BEND5: variants seen among roughly 807,000 people sequenced by gnomAD.
BEND5 encodes BEN domain-containing protein 5.
BEND5 carries 22 observed loss-of-function variants against 43.9 expected under a neutral mutation model. That is an observed-to-expected ratio of 0.50 (90% CI 0.36 to 0.72). The LOEUF is 0.72. Among genes scored for constraint, BEND5 ranks in the 30% least tolerant of loss-of-function variants. The pLI is 0.00. For synonymous variants in BEND5, 228 were observed against 225.9 expected, an observed-to-expected ratio of 1.01 and a Z score of -0.08; for missense variants, 428 against 550.6, an observed-to-expected ratio of 0.78 and a Z score of 2.23.
Position 48,728,049 on chromosome 1 carries a change from C to T in BEND5, c.1109-6G>A, listed in dbSNP as rs375137110. On this transcript the variant is annotated splice_region_variant and splice_polypyrimidine_tract_variant and intron_variant, in intron 5 of 5. Coordinates refer to ENST00000371833, the MANE Select transcript of BEND5 (RefSeq NM_024603.4). ...TATTCTGTCATACAAACACTCTAGA[C>T]GGGGAGAAGAAACAAGGCCAAGGAT... The T allele has an allele frequency of 4.1e-5, 64 of 1,577,944 alleles. No homozygotes were observed. Among genetic ancestry groups the T allele is most frequent in the African/African-American group, 1.2e-4 (9 of 73,824 alleles).
chr1:48,731,152 G>C (rs1648065545), intron 5 of BEND5, among the ~76,000 whole-genome samples: 1 of 152,064 alleles, frequency 6.6e-6, no homozygotes, highest in Non-Finnish European at 1.5e-5. Flanking sequence ...TCTCAATCCA[G>C]CAGACAGCTT....
intron 3 of BEND5, among the ~76,000 whole-genome samples, chr1:48,753,971 C>T (rs992459404): frequency 6.6e-6 from 1 of 152,152 alleles, no homozygotes; most frequent in Non-Finnish European, 1.5e-5. Flanking sequence ...TGTCACACTG[C>T]GTACATATTT....
chr1:48,732,340 G>C (rs1648277256), intron 5 of BEND5, among the ~76,000 whole-genome samples: 1 of 152,172 alleles, frequency 6.6e-6, no homozygotes, highest in Non-Finnish European at 1.5e-5. Context: ...AGTGTGAATT[G>C]AGTCAAATAC....
chr1:48,731,585 TGGGTGGTAAGCAGCAGTTAGCCA>T (rs1173526171), intron 5 of BEND5, among the ~76,000 whole-genome samples: 1 of 152,144 alleles, frequency 6.6e-6, no homozygotes, highest in Admixed American at 6.5e-5. Flanking sequence ...TAAGCAGATC[TGGGTGGTAAGCAGCAGTTAGCCA>T]GGCAAAGCAG....
rs1164802876 is a variant in BEND5 at position 48,776,792 on chromosome 1, A to G, written c.40T>C (p.Tyr14His). 6.6e-7 allele frequency: 1 copy of G among 1,524,876 alleles called. No homozygotes were observed. Among genetic ancestry groups the G allele is most frequent in the African/African-American group, 1.4e-5 (1 of 69,454 alleles). 94.5% of individuals were successfully genotyped at this position (1,524,876 alleles called of 1,614,324 possible). ...FVRFLEDNVC[Y>H]ALPVSCVRDF... ...CGCACGCACGACACGGGCAGCGCGTAGCAGACGTTGTCCTCCAGGAACCGC... is the reference window on the plus strand; with the variant it reads ...CGCACGCACGACACGGGCAGCGCGTGGCAGACGTTGTCCTCCAGGAACCGC... Residue 14 changes from tyrosine (Y) to histidine (H), a missense_variant, in exon 1 of 6, where the codon TAC becomes CAC. Physicochemically the swap from Tyr to His is moderately conservative, Grantham distance 83. Coordinates refer to ENST00000371833, the MANE Select transcript of BEND5 (RefSeq NM_024603.4).
chr1:48,767,101 T>C (rs185040605), intron 1 of BEND5, among the ~76,000 whole-genome samples: 161 of 152,242 alleles, frequency 1.1e-3, no homozygotes, highest in African/African-American at 3.7e-3. Context: ...GAAGAAATGG[T>C]TGGGAGAGGG....
intron 5 of BEND5, among the ~76,000 whole-genome samples, chr1:48,732,604 C>T (rs369102604): frequency 5.9e-5 from 9 of 151,904 alleles, no homozygotes; most frequent in South Asian, 2.1e-4. Flanking sequence ...AGGGAGGGCA[C>T]GCAGATCAGG....
rs536813865 is a variant in BEND5 at position 48,775,992 on chromosome 1, G to T, written c.226+614C>A. On this transcript the variant is annotated intron_variant, in intron 1 of 5. Transcript: ENST00000371833. ...CTGCCACCTGGCCAGGGAGGGGCAG[G>T]AGAGTGTGGTGTGGAGCCCAGTGCA... 3.3e-5 allele frequency among the ~76,000 whole-genome samples: 5 copies of T among 152,330 alleles called. No individual in the cohort carries two copies. The East Asian group carries it at 9.7e-4, about 29-fold the overall frequency.
At chr1:48,739,316 T>C (rs1649550867) in intron 4 of BEND5, among the ~76,000 whole-genome samples, 1 of 152,234 alleles carries the variant, frequency 6.6e-6, no homozygotes, top group African/African-American at 2.4e-5. Flanking sequence ...TTCTGCAGTC[T>C]TTCAACTGTG....
chr1:48,762,314 GTTTC>G (rs1644304069), intron 1 of BEND5, among the ~76,000 whole-genome samples: 1 of 152,174 alleles, frequency 6.6e-6, no homozygotes, highest in Non-Finnish European at 1.5e-5. Context: ...AAGATAATCT[GTTTC>G]TTTTTCTGCA....
intron 3 of BEND5, among the ~76,000 whole-genome samples, chr1:48,747,295 C>T (rs1650923915): frequency 6.6e-6 from 1 of 152,140 alleles, no homozygotes; most frequent in Admixed American, 6.5e-5. Flanking sequence ...TTGACACACA[C>T]TTGAGGTTTA....
At chr1:48,775,000 G>C (rs1211625664) in intron 1 of BEND5, among the ~76,000 whole-genome samples, 1 of 152,148 alleles carries the variant, frequency 6.6e-6, no homozygotes, top group East Asian at 1.9e-4. Flanking sequence ...GGAAGCTAAG[G>C]TTACAACCTA....
chr1:48,761,868 C>T (rs1644271672), intron 1 of BEND5, among the ~76,000 whole-genome samples: 1 of 152,208 alleles, frequency 6.6e-6, no homozygotes, highest in Non-Finnish European at 1.5e-5. Context: ...AGCCAAGTGT[C>T]TTCCCAGGAG....
At chr1:48,732,533 GAC>G (rs1648306870) in intron 5 of BEND5, among the ~76,000 whole-genome samples, 1 of 150,904 alleles carries the variant, frequency 6.6e-6, no homozygotes, top group Non-Finnish European at 1.5e-5. Flanking sequence ...TGATGTGACA[GAC>G]AGCAATGGAG....
At chr1:48,729,993 A>T (rs918945322) in intron 5 of BEND5, among the ~76,000 whole-genome samples, 2 of 152,014 alleles carry the variant, frequency 1.3e-5, no homozygotes, top group African/African-American at 4.8e-5. Flanking sequence ...GACCTTGCTC[A>T]TCTCTGCTTA....
intron 5 of BEND5, among the ~76,000 whole-genome samples, chr1:48,730,895 A>C (rs1394360917): frequency 6.6e-6 from 1 of 152,220 alleles, no homozygotes; most frequent in African/African-American, 2.4e-5. Flanking sequence ...TTTGACCTTA[A>C]TAGGTTTAAC....
At chr1:48,771,341 C>T (rs1379651117) in intron 1 of BEND5, among the ~76,000 whole-genome samples, 1 of 152,182 alleles carries the variant, frequency 6.6e-6, no homozygotes, top group East Asian at 1.9e-4. Flanking sequence ...TCTGGATGTG[C>T]TTTTAAAAAT....
intron 3 of BEND5, among the ~76,000 whole-genome samples, chr1:48,756,577 C>G (rs1158369316): frequency 6.6e-6 from 1 of 152,206 alleles, no homozygotes; most frequent in African/African-American, 2.4e-5. Flanking sequence ...AGGACATGAG[C>G]TTCCCAAAGC....
intron 4 of BEND5, among the ~76,000 whole-genome samples, chr1:48,737,837 C>T (rs1045544701): frequency 1.3e-5 from 2 of 152,068 alleles, no homozygotes; most frequent in Non-Finnish European, 2.9e-5. Context: ...CATGCTTCTG[C>T]TGAGTCTGTG....
Sources: allele counts gnomAD v4.1 joint callset (sites outside exome capture counted in the v4.1 genomes callset), GRCh38; gene constraint gnomAD v4.1.1; transcripts MANE v1.5; gene names NCBI Gene and HGNC (gene_info 2026-07-23, HGNC 2026-07-21).